Variants in ANGPTL5 observed in about 807,000 individuals in gnomAD.
ANGPTL5 encodes angiopoietin-related protein 5.
In ANGPTL5, 34 loss-of-function variants were observed where a neutral mutation model predicts 39.4. The observed-to-expected ratio is 0.86, with a 90% CI of 0.66 to 1.15. The LOEUF (loss-of-function observed/expected upper bound fraction) is 1.15. ANGPTL5 is among the 50% of genes most tolerant of loss of function. The probability of loss-of-function intolerance (pLI) is 0.00; values close to 1 mark genes in which losing one functional copy is unlikely to be tolerated. For synonymous variants in ANGPTL5, 146 were observed against 152.1 expected, an observed-to-expected ratio of 0.96 and a Z score of 0.29; for missense variants, 467 against 457.5, an observed-to-expected ratio of 1.02 and a Z score of -0.19.
chr11:101,904,806 G>C lies in ANGPTL5; in HGVS notation c.439+8C>G. 1 of 1,609,142 alleles carries C rather than the reference G, an allele frequency of 6.2e-7. No homozygotes were observed. The highest frequency in any genetic ancestry group is 8.5e-7 in the Non-Finnish European group (1 of 1,175,606). On this transcript the variant is annotated splice_region_variant and intron_variant, in intron 5 of 8. Coordinates refer to ENST00000334289, the MANE Select transcript of ANGPTL5 (RefSeq NM_178127.5). Reference sequence around the variant, plus strand: ...AACATGAAAAGGCTGAAATACCAAAGTTCTCACCATGTGACTGAACAGGTC... The same window carrying C: ...AACATGAAAAGGCTGAAATACCAAACTTCTCACCATGTGACTGAACAGGTC...
At chr11:101,904,793 C>A (rs199920643) in intron 5 of ANGPTL5, 21 bp downstream of exon 5, 1 of 1,597,384 alleles carries the variant, frequency 6.3e-7, no homozygotes, top group Non-Finnish European at 8.6e-7. Context: ...CATGAAAAGG[C>A]TGAAATACCA....
Position 101,905,781 on chromosome 11 carries a change from T to C in ANGPTL5, c.308A>G (p.Asp103Gly), listed in dbSNP as rs144888512. 8.7e-6 allele frequency: 14 copies of C among 1,612,338 alleles called. No individual in the cohort carries two copies. The East Asian group carries it at 2.9e-4, about 33-fold the overall frequency. The change falls in exon 4 of 9, where the codon GAT (aspartate) becomes GGT (glycine). Residue 103 changes from aspartate to glycine, a missense_variant. Coordinates refer to ENST00000334289, the MANE Select transcript of ANGPTL5 (RefSeq NM_178127.5). Reference sequence around the variant, plus strand: ...ATAATCCAAGGAAGCTTGTTGCTCATCCATCATATTCCTTAGTAGTTTTTT... The same window carrying C: ...ATAATCCAAGGAAGCTTGTTGCTCACCCATCATATTCCTTAGTAGTTTTTT... ...STKKLLRNMM[D>G]EQQASLDYLS...
At chr11:101,914,994 T>C in intron 1 of ANGPTL5, 1 of 364,602 alleles carries the variant, frequency 2.7e-6, no homozygotes, top group Non-Finnish European at 5.0e-6. Context: ...CCTCCCAGGT[T>C]TCCGTTGTCA....
At chr11:101,899,286 G>A (rs1276336403) in intron 7 of ANGPTL5, among the ~76,000 whole-genome samples, 1 of 152,108 alleles carries the variant, frequency 6.6e-6, no homozygotes, top group African/African-American at 2.4e-5. Flanking sequence ...TTTTTATAGA[G>A]ACATGGTTTC....
At chr11:101,904,113 A>T (rs550501304) in intron 5 of ANGPTL5, among the ~76,000 whole-genome samples, 6 of 152,134 alleles carry the variant, frequency 3.9e-5, no homozygotes, top group Non-Finnish European at 8.8e-5. Context: ...CAGTTATGAG[A>T]TATAATAAAA....
intron 7 of ANGPTL5, 67 bp from the exon 8 acceptor site, chr11:101,895,131 G>T: frequency 7.9e-7 from 1 of 1,270,544 alleles, no homozygotes; most frequent in South Asian, 1.5e-5. Context: ...ATTATTGAAT[G>T]TTTGGTCTTG....
At chr11:101,915,496 G>C in intron 1 of ANGPTL5, 1 of 1,500,990 alleles carries the variant, frequency 6.7e-7, no homozygotes, top group Non-Finnish European at 9.0e-7. Flanking sequence ...CATTACCTTT[G>C]ACGCAGGGTG....
At chr11:101,908,816 ACTGTAATTAAT>A (rs1345976699) in intron 1 of ANGPTL5, among the ~76,000 whole-genome samples, 2 of 151,734 alleles carry the variant, frequency 1.3e-5, no homozygotes, top group Non-Finnish European at 2.9e-5. Flanking sequence ...AATTTCTAAG[ACTGTAATTAAT>A]CTGTAATTAG....
chr11:101,913,816 G>A lies in ANGPTL5; in HGVS notation c.-93+2203C>T, dbSNP rs1371639591. On this transcript the variant is annotated intron_variant, in intron 1 of 8. Coordinates refer to ENST00000334289, the MANE Select transcript of ANGPTL5 (RefSeq NM_178127.5). ...TCAGATCACCCATGGGGAGACAAAC[G>A]TGTGATGACAGCAGTGGGAATAGAA... Among the ~76,000 whole-genome samples, 3 of 152,196 alleles carry A rather than the reference G, an allele frequency of 2.0e-5. 1 individual carries two copies. Among genetic ancestry groups the A allele is most frequent in the South Asian group, 4.1e-4 (2 of 4,832 alleles).
intron 5 of ANGPTL5, among the ~76,000 whole-genome samples, chr11:101,903,052 T>C (rs1193778961): frequency 6.6e-6 from 1 of 152,166 alleles, no homozygotes; most frequent in South Asian, 2.1e-4. Flanking sequence ...TTCAGAAATT[T>C]AGGTTTATCT....
At chr11:101,902,872 A>C (rs923636014) in intron 5 of ANGPTL5, 151 bp from the exon 6 acceptor site, 34 of 564,630 alleles carry the variant, frequency 6.0e-5, no homozygotes, top group Non-Finnish European at 1.0e-4. Flanking sequence ...CAATTTTAGA[A>C]ATAAAAAGAA....
Position 101,912,639 on chromosome 11 carries a change from T to TA in ANGPTL5, c.-93+3379dup, listed in dbSNP as rs528816457. Among the ~76,000 whole-genome samples, 5 of 152,334 alleles carry TA rather than the reference T, an allele frequency of 3.3e-5. 1 individual carries two copies. The East Asian group carries it at 9.6e-4, about 29-fold the overall frequency. On this transcript the variant is annotated intron_variant, in intron 1 of 8. Coordinates refer to ENST00000334289, the MANE Select transcript of ANGPTL5 (RefSeq NM_178127.5). ...TGAAATTTCTTTTCTTCTTGGTTGTTACCGTAAAACAATATTTGAATGAAG... is the reference window on the plus strand; with the variant it reads ...TGAAATTTCTTTTCTTCTTGGTTGTTAACCGTAAAACAATATTTGAATGAAG...
chr11:101,900,670 A>G lies in ANGPTL5; in HGVS notation c.541-120T>C, dbSNP rs1045325294. The stretch of plus-strand genomic sequence containing the variant: ...AGACGGTACTGCCACTGAGTTTTCA[A>G]TGCAATCATATGCCATTAATTTATT... On this transcript the variant is annotated intron_variant, in intron 6 of 8. Coordinates refer to ENST00000334289, the MANE Select transcript of ANGPTL5 (RefSeq NM_178127.5). The G allele has an allele frequency of 8.8e-5, 79 of 896,540 alleles. 1 individual carries two copies. Among genetic ancestry groups the G allele is most frequent in the Middle Eastern group, 2.2e-4 (1 of 4,504 alleles). The allele number at this position is 896,540 out of a possible 1,614,324, so 55.5% of individuals were successfully genotyped here. A position where few individuals can be genotyped will look rare whatever the true frequency, so the allele number is the denominator to read the frequency against.
At chr11:101,914,301 C>T (rs1280951424) in intron 1 of ANGPTL5, among the ~76,000 whole-genome samples, 1 of 152,158 alleles carries the variant, frequency 6.6e-6, no homozygotes, top group Non-Finnish European at 1.5e-5. Context: ...CAGCCTTTTT[C>T]AAAACTGTCA....
Position 101,891,550 on chromosome 11 carries a change from G to A in ANGPTL5, c.896C>T (p.Pro299Leu), listed in dbSNP as rs1009987587. Reference sequence around the variant, plus strand: ...ATTATCAACATCTGATGTGCTAAAAGGCATTGCATTTTGATTATCTTCTTT... The same window carrying A: ...ATTATCAACATCTGATGTGCTAAAAAGCATTGCATTTTGATTATCTTCTTT... ...LKKEDNQNAM[P>L]FSTSDVDNDG... is the part of the protein sequence containing the mutation. The change falls in exon 9 of 9, where the codon CCT becomes CTT. Residue 299 changes from proline (P) to leucine (L), a missense_variant. Transcript: ENST00000334289. The A allele has an allele frequency of 6.2e-7, 1 of 1,613,990 alleles. No individual in the cohort carries two copies. Among genetic ancestry groups the A allele is most frequent in the Admixed American group, 1.7e-5 (1 of 59,960 alleles).
chr11:101,916,294 G>A lies in ANGPTL5; in HGVS notation c.-368C>T, dbSNP rs567525194. 1 of 152,240 alleles carries A rather than the reference G, an allele frequency of 6.6e-6. No homozygotes were observed. Among genetic ancestry groups the A allele is most frequent in the African/African-American group, 2.4e-5 (1 of 41,548 alleles). 9.4% of individuals were successfully genotyped at this position (152,240 alleles called of 1,614,324 possible). A position where few individuals can be genotyped will look rare whatever the true frequency, so the allele number is the denominator to read the frequency against. On this transcript the variant is annotated 5_prime_UTR_variant, in exon 1 of 9. Transcript: ENST00000334289. ...TTCTTTGTACTCTGTTACAATTTTA[G>A]CAGCAAGTCAACAATTTGTATTGAG...
Position 101,900,439 on chromosome 11 carries a change from C to G in ANGPTL5, c.652G>C (p.Asp218His), listed in dbSNP as rs1240985011. 1 of 1,613,142 alleles carries G rather than the reference C, an allele frequency of 6.2e-7. No homozygotes were observed. The highest frequency in any genetic ancestry group is 1.1e-5 in the South Asian group (1 of 91,060). Residue 218 changes from aspartate to histidine, a missense_variant, in exon 7 of 9, where the codon GAT (aspartate) becomes CAT (histidine). By Grantham distance (81) the Asp-to-His change is moderately conservative. Transcript: ENST00000334289. ...LWCDYLDGFG[D>H]LLGEFWLGLK... ...ATACAAAAAAATTAACCTAGAAGAT[C>G]TCCAAATCCATCCAGATAATCACAC...
At chr11:101,900,894 C>T (rs1201061192) in intron 6 of ANGPTL5, among the ~76,000 whole-genome samples, 1 of 151,900 alleles carries the variant, frequency 6.6e-6, no homozygotes, top group Non-Finnish European at 1.5e-5. Context: ...CTCTGTCGCC[C>T]AGGCTGGAGT....
chr11:101,893,026 T>C (rs943094150), intron 8 of ANGPTL5, among the ~76,000 whole-genome samples: 2 of 152,236 alleles, frequency 1.3e-5, no homozygotes, highest in African/African-American at 2.4e-5. Flanking sequence ...ACAATACCCA[T>C]GGAGCATTGC....
Sources: allele counts gnomAD v4.1 joint callset (sites outside exome capture counted in the v4.1 genomes callset), GRCh38; gene constraint gnomAD v4.1.1; transcripts MANE v1.5; gene names NCBI Gene and HGNC (gene_info 2026-07-23, HGNC 2026-07-21).